Variants in ZDHHC11B observed in about 807,000 individuals in gnomAD.
ZDHHC11B encodes the protein probable palmitoyltransferase ZDHHC11B.
In ZDHHC11B, 17 loss-of-function variants were observed where a neutral mutation model predicts 42.3. The observed-to-expected ratio is 0.40, with a 90% confidence interval of 0.27 to 0.60. The LOEUF is 0.60. Among genes scored for constraint, ZDHHC11B ranks in the 20% least tolerant of loss-of-function variants. ZDHHC11B has a pLI of 0.41. For missense variants in ZDHHC11B, 262 were observed against 463.2 expected, an observed-to-expected ratio of 0.57 and a Z score of 3.99; for synonymous variants, 123 against 193.5, an observed-to-expected ratio of 0.64 and a Z score of 3.02.
Position 767,441 on chromosome 5 carries a change from G to C in ZDHHC11B, c.-50C>G. 3 of 1,580,640 alleles carry C rather than the reference G, an allele frequency of 1.9e-6. No individual in the cohort carries two copies. Among genetic ancestry groups the C allele is most frequent in the Admixed American group, 3.4e-5 (2 of 59,186 alleles). On this transcript the variant is annotated 5_prime_UTR_variant, in exon 3 of 14. Transcript: ENST00000508859. ...TCATCTCCGTAGGCTGAGTAGAGCA[G>C]CTCCAACTCGTCCGACTTCAAGTCG...
chr5:725,098 C>T (rs572754404), intron 12 of ZDHHC11B, among the ~76,000 whole-genome samples: 1 of 151,334 alleles, frequency 6.6e-6, no homozygotes, highest in Non-Finnish European at 1.5e-5. Context: ...TGTCAGCTCC[C>T]GAATGTGGGA....
intron 12 of ZDHHC11B, among the ~76,000 whole-genome samples, chr5:724,228 CAT>C (rs1742395531): frequency 6.7e-6 from 1 of 148,438 alleles, no homozygotes; most frequent in African/African-American, 2.5e-5. Context: ...TATTTTGAGA[CAT>C]AGTCTCACTC....
chr5:726,076 A>G (rs1742581612), intron 12 of ZDHHC11B, among the ~76,000 whole-genome samples: 1 of 121,692 alleles, frequency 8.2e-6, no homozygotes. Context: ...TCGACATCCC[A>G]CAGCAAAACG....
At chr5:784,292 G>T (rs1737091598) in intron 1 of ZDHHC11B, among the ~76,000 whole-genome samples, 1 of 151,866 alleles carries the variant, frequency 6.6e-6, no homozygotes, top group South Asian at 2.1e-4. Flanking sequence ...ATAGGGAAAC[G>T]GTTCCAGCCC....
intron 10 of ZDHHC11B, among the ~76,000 whole-genome samples, chr5:739,661 C>T (rs1303307903): frequency 6.8e-6 from 1 of 146,738 alleles, no homozygotes; most frequent in African/African-American, 2.5e-5. Context: ...TTTTACACTG[C>T]TAGTGGGAAT....
chr5:759,423 T>G (rs1337863630), intron 4 of ZDHHC11B, among the ~76,000 whole-genome samples: 1 of 151,934 alleles, frequency 6.6e-6, no homozygotes, highest in Non-Finnish European at 1.5e-5. Flanking sequence ...CACGTGCCAC[T>G]GAAGGCGCCG....
intron 4 of ZDHHC11B, among the ~76,000 whole-genome samples, chr5:761,030 C>T (rs771852906): frequency 9.2e-5 from 14 of 151,954 alleles, no homozygotes; most frequent in African/African-American, 1.9e-4. Flanking sequence ...GGCAGGCGGG[C>T]GCTGTGCTGA....
intron 1 of ZDHHC11B, among the ~76,000 whole-genome samples, chr5:777,966 A>C (rs1316919696): frequency 6.6e-6 from 1 of 151,832 alleles, no homozygotes; most frequent in Non-Finnish European, 1.5e-5. Context: ...AGCCCTGCCC[A>C]GCAGGGAGGC....
chr5:712,705 C>G (rs1439272785), intron 13 of ZDHHC11B, among the ~76,000 whole-genome samples: 1 of 151,208 alleles, frequency 6.6e-6, no homozygotes, highest in Non-Finnish European at 1.5e-5. Flanking sequence ...GTCAGGAGAT[C>G]GAGACCTTCC....
rs567628819 is a variant in ZDHHC11B at position 711,421 on chromosome 5, C to T, written c.*869G>A. ...TGTGCTCCCATTTCCCAGTGCTGTG[C>T]TCCCAATTCCCAGTACTGTGCTCCC... On this transcript the variant is annotated 3_prime_UTR_variant, in exon 14 of 14. Transcript: ENST00000508859. 5.8e-4 allele frequency: 90 copies of T among 155,336 alleles called. 5 individuals are homozygous for T. In the Middle Eastern group the frequency reaches 0.013, roughly 22 times the overall value. The allele number at this position is 155,336 out of a possible 1,614,324, so 9.6% of individuals were successfully genotyped here.
At chr5:722,341 T>C (rs1208334571) in intron 12 of ZDHHC11B, among the ~76,000 whole-genome samples, 1 of 151,700 alleles carries the variant, frequency 6.6e-6, no homozygotes, top group Non-Finnish European at 1.5e-5. Flanking sequence ...ATATAAAAAC[T>C]CATATAAATC....
chr5:724,673 A>ACACACT (rs1486171218), intron 12 of ZDHHC11B, among the ~76,000 whole-genome samples: 2 of 150,198 alleles, frequency 1.3e-5, no homozygotes, highest in African/African-American at 4.9e-5. Context: ...ACACACACAC[A>ACACACT]CACACACACA....
At chr5:763,713 C>G (rs370729) in intron 4 of ZDHHC11B, among the ~76,000 whole-genome samples, 1 of 151,418 alleles carries the variant, frequency 6.6e-6, no homozygotes, top group Admixed American at 6.6e-5. Flanking sequence ...GAAATGGCCA[C>G]ATGGATAAGA....
At chr5:764,474 C>T (rs147062437) in intron 4 of ZDHHC11B, among the ~76,000 whole-genome samples, 1,450 of 150,662 alleles carry the variant, frequency 9.6e-3, no homozygotes, top group African/African-American at 0.034. Flanking sequence ...CCGGCACTGC[C>T]GGCCCCGGGC....
At chr5:769,467 G>A (rs1231919973) in intron 1 of ZDHHC11B, among the ~76,000 whole-genome samples, 18 of 150,966 alleles carry the variant, frequency 1.2e-4, no homozygotes, top group African/African-American at 3.6e-4. Flanking sequence ...AGATCAGCCC[G>A]TTTCTATCCT....
chr5:726,265 C>T (rs1372906683), intron 12 of ZDHHC11B, among the ~76,000 whole-genome samples: 1 of 151,572 alleles, frequency 6.6e-6, no homozygotes, highest in Non-Finnish European at 1.5e-5. Flanking sequence ...TCCCTGATCG[C>T]TAGAAACAGA....
rs574638367 is a variant in ZDHHC11B, at chr5:716,695, C to G, written c.*7+106G>C. Reference sequence around the variant, plus strand: ...CATCAAGAGACAAACGACAAGCAGCCCAGCCCTTGAGTTTGCACTGGTGAT... The same window carrying G: ...CATCAAGAGACAAACGACAAGCAGCGCAGCCCTTGAGTTTGCACTGGTGAT... On this transcript the variant is annotated intron_variant, in intron 13 of 13. Transcript: ENST00000508859. 8 of 1,408,420 alleles carry G rather than the reference C, an allele frequency of 5.7e-6. No individual in the cohort carries two copies. The South Asian group carries it at 9.7e-5, about 17-fold the overall frequency. The allele number at this position is 1,408,420 out of a possible 1,614,324, so 87.2% of individuals were successfully genotyped here.
At chr5:770,998 C>A (rs1339117881) in intron 1 of ZDHHC11B, among the ~76,000 whole-genome samples, 14 of 151,988 alleles carry the variant, frequency 9.2e-5, no homozygotes, top group Middle Eastern at 3.4e-3. Context: ...CCCTGAAGGA[C>A]TCAAGGCTGA....
intron 8 of ZDHHC11B, among the ~76,000 whole-genome samples, chr5:746,671 C>T (rs945517034): frequency 6.7e-6 from 1 of 150,276 alleles, no homozygotes; most frequent in African/African-American, 2.4e-5. Context: ...AGCACAAGGG[C>T]CAGCCACACT....
Sources: allele counts gnomAD v4.1 joint callset (sites outside exome capture counted in the v4.1 genomes callset), GRCh38; gene constraint gnomAD v4.1.1; transcripts MANE v1.5; gene names NCBI Gene and HGNC (gene_info 2026-07-23, HGNC 2026-07-21).